The following SEMA6D variants were observed in gnomAD, a reference collection of about 807,000 sequenced individuals.
SEMA6D encodes the protein semaphorin-6D.
In SEMA6D, 35 loss-of-function variants were observed where a neutral mutation model predicts 106.6. The observed-to-expected ratio is 0.33, with a 90% confidence interval of 0.25 to 0.44. SEMA6D has a LOEUF of 0.44. Ranked by LOEUF, SEMA6D falls within the 20% of genes least tolerant of loss-of-function variation. The pLI, the probability that SEMA6D is intolerant of heterozygous loss-of-function variation, is 1.00. For synonymous variants in SEMA6D, 499 were observed against 487.7 expected, an observed-to-expected ratio of 1.02 and a Z score of -0.31; for missense variants, 1,185 against 1,345.9, an observed-to-expected ratio of 0.88 and a Z score of 1.87.
At chr15:47,500,134 C>T (rs1047195) in intron 3 of SEMA6D, among the ~76,000 whole-genome samples, 1 of 152,106 alleles carries the variant, frequency 6.6e-6, no homozygotes, top group Non-Finnish European at 1.5e-5. Context: ...GAATGACCCT[C>T]CTGATGAAAT....
intron 1 of SEMA6D, among the ~76,000 whole-genome samples, chr15:47,751,258 C>T (rs2081416316): frequency 6.6e-6 from 1 of 152,180 alleles, no homozygotes; most frequent in Non-Finnish European, 1.5e-5. Context: ...CACATGAATG[C>T]TATATAAACC....
intron 1 of SEMA6D, among the ~76,000 whole-genome samples, chr15:47,748,231 T>A (rs1027353915): frequency 1.3e-5 from 2 of 152,214 alleles, no homozygotes; most frequent in Non-Finnish European, 2.9e-5. Context: ...AGGAGAATGA[T>A]GGTAGACTCA....
intron 4 of SEMA6D, among the ~76,000 whole-genome samples, chr15:47,673,871 T>G (rs140517120): frequency 0.01 from 1,524 of 152,308 alleles, 14 homozygotes; most frequent in South Asian, 0.045. Flanking sequence ...ATGCTACGCT[T>G]CCATTCCTTA....
chr15:47,193,598 CACAT>C (rs1595720962), intron 1 of SEMA6D, among the ~76,000 whole-genome samples: 1 of 152,184 alleles, frequency 6.6e-6, no homozygotes, highest in East Asian at 1.9e-4. Flanking sequence ...TCCTTGTAGT[CACAT>C]ACATCAACTT....
intron 4 of SEMA6D, among the ~76,000 whole-genome samples, chr15:47,610,421 TCTC>T (rs992962176): frequency 2.0e-5 from 3 of 152,298 alleles, no homozygotes; most frequent in East Asian, 1.9e-4. Flanking sequence ...TTTAACCACA[TCTC>T]CTCATCCTCA....
chr15:47,364,891 G>A (rs574696206), intron 1 of SEMA6D, among the ~76,000 whole-genome samples: 39 of 152,250 alleles, frequency 2.6e-4, no homozygotes, highest in African/African-American at 9.2e-4. Context: ...TGCACAGTAG[G>A]AGTATTGCAC....
At chr15:47,539,333 A>G (rs1321953226) in intron 3 of SEMA6D, among the ~76,000 whole-genome samples, 6 of 152,142 alleles carry the variant, frequency 3.9e-5, no homozygotes, top group Non-Finnish European at 7.4e-5. Context: ...TAATCAAAAG[A>G]TTTATAATGT....
chr15:47,657,437 T>C (rs2077818401), intron 4 of SEMA6D, among the ~76,000 whole-genome samples: 1 of 152,140 alleles, frequency 6.6e-6, no homozygotes, highest in South Asian at 2.1e-4. Flanking sequence ...TTTAATATTA[T>C]TAATTTTGTC....
At chr15:47,688,128 A>T (rs1407043237) in intron 4 of SEMA6D, among the ~76,000 whole-genome samples, 1 of 152,182 alleles carries the variant, frequency 6.6e-6, no homozygotes, top group Non-Finnish European at 1.5e-5. Flanking sequence ...GATATAAAAT[A>T]TTAGAAATGA....
chr15:47,452,248 T>G (rs769373834), intron 2 of SEMA6D, among the ~76,000 whole-genome samples: 1 of 151,768 alleles, frequency 6.6e-6, no homozygotes, highest in Non-Finnish European at 1.5e-5. Flanking sequence ...AGCTCTTCAG[T>G]GTCCATTCAG....
intron 1 of SEMA6D, among the ~76,000 whole-genome samples, chr15:47,327,599 T>C (rs1054063079): frequency 6.6e-6 from 1 of 152,222 alleles, no homozygotes; most frequent in African/African-American, 2.4e-5. Flanking sequence ...TTGGGACTTA[T>C]AAGTAGAAAA....
rs2082711099 is a variant in SEMA6D, at chr15:47,773,329, A to C, written c.*1544A>C. 1 of 152,668 alleles carries C rather than the reference A, an allele frequency of 6.6e-6. No individual in the cohort carries two copies. Among genetic ancestry groups the C allele is most frequent in the African/African-American group, 2.4e-5 (1 of 41,460 alleles). The allele number at this position is 152,668 out of a possible 1,614,324, so 9.5% of individuals were successfully genotyped here. ...ATGAAACAGTGATAATGTGAACTCAAATGAGGTTTCCTGGGTAATGTGACA... is the reference window on the plus strand; with the variant it reads ...ATGAAACAGTGATAATGTGAACTCACATGAGGTTTCCTGGGTAATGTGACA... On this transcript the variant is annotated 3_prime_UTR_variant, in exon 19 of 19. Coordinates refer to ENST00000536845, the MANE Select transcript of SEMA6D (RefSeq NM_001358351.3).
chr15:47,276,131 AG>A (rs1354559226), intron 1 of SEMA6D, among the ~76,000 whole-genome samples: 1 of 152,166 alleles, frequency 6.6e-6, no homozygotes, highest in Non-Finnish European at 1.5e-5. Context: ...AAGCTAGCAC[AG>A]GTTGGCTCAT....
chr15:47,747,197 T>TA (rs2081192813), intron 1 of SEMA6D, among the ~76,000 whole-genome samples: 1 of 152,114 alleles, frequency 6.6e-6, no homozygotes, highest in African/African-American at 2.4e-5. Flanking sequence ...AATTTTGCTT[T>TA]AAAATGAATG....
At chr15:47,368,685 A>T (rs1430868252) in intron 1 of SEMA6D, among the ~76,000 whole-genome samples, 1 of 152,194 alleles carries the variant, frequency 6.6e-6, no homozygotes, top group African/African-American at 2.4e-5. Flanking sequence ...GTTCAATAAT[A>T]CTAATCCTTG....
chr15:47,485,455 G>C (rs1250638152), intron 3 of SEMA6D, among the ~76,000 whole-genome samples: 2 of 151,974 alleles, frequency 1.3e-5, no homozygotes, highest in African/African-American at 4.8e-5. Flanking sequence ...AGATCACCAG[G>C]AACAGGCACA....
At chr15:47,491,381 C>T (rs1412637332) in intron 3 of SEMA6D, among the ~76,000 whole-genome samples, 3 of 152,010 alleles carry the variant, frequency 2.0e-5, no homozygotes, top group African/African-American at 4.8e-5. Flanking sequence ...ACATAATGTG[C>T]AATGAGAAAA....
At chr15:47,414,407 G>C (rs926279932) in intron 2 of SEMA6D, among the ~76,000 whole-genome samples, 1 of 152,098 alleles carries the variant, frequency 6.6e-6, no homozygotes, top group African/African-American at 2.4e-5. Flanking sequence ...GAGTTAAACT[G>C]AACAGGGCTT....
intron 1 of SEMA6D, among the ~76,000 whole-genome samples, chr15:47,269,355 T>G (rs976530152): frequency 6.6e-6 from 1 of 151,532 alleles, no homozygotes; most frequent in Non-Finnish European, 1.5e-5. Flanking sequence ...TAAATAACAA[T>G]GTAGCTCATT....
Sources: allele counts gnomAD v4.1 joint callset (sites outside exome capture counted in the v4.1 genomes callset), GRCh38; gene constraint gnomAD v4.1.1; transcripts MANE v1.5; gene names NCBI Gene and HGNC (gene_info 2026-07-23, HGNC 2026-07-21).